Variants in PSD3 observed in about 807,000 individuals in gnomAD.
The protein encoded by PSD3 is PH and SEC7 domain-containing protein 3.
Under a neutral mutation model 105.5 loss-of-function variants are expected in PSD3, and 49 were observed. That is an observed-to-expected ratio of 0.46 (90% CI 0.37 to 0.59). The LOEUF (loss-of-function observed/expected upper bound fraction) is 0.59, where lower values mean the gene tolerates loss of function less well. PSD3 is among the 20% of genes least tolerant of loss of function. The pLI, the probability that PSD3 is intolerant of heterozygous loss-of-function variation, is 0.00. For synonymous variants in PSD3, 557 were observed against 457.8 expected, an observed-to-expected ratio of 1.22 and a Z score of -2.77; for missense variants, 1,561 against 1,263.8, an observed-to-expected ratio of 1.24 and a Z score of -3.57.
intron 10 of PSD3, among the ~76,000 whole-genome samples, chr8:18,641,380 G>A (rs1382593127): frequency 6.6e-6 from 1 of 152,124 alleles, no homozygotes; most frequent in Non-Finnish European, 1.5e-5. Flanking sequence ...ATATCATGAT[G>A]ATTAAGACCC....
chr8:19,045,396 A>G (rs973142258), intron 1 of PSD3, among the ~76,000 whole-genome samples: 4 of 152,210 alleles, frequency 2.6e-5, no homozygotes, highest in Non-Finnish European at 5.9e-5. Flanking sequence ...TATATCTCTC[A>G]TTTTGAATTT....
chr8:18,773,107 A>C (rs1161099801), intron 8 of PSD3, among the ~76,000 whole-genome samples: 7 of 152,102 alleles, frequency 4.6e-5, no homozygotes, highest in Non-Finnish European at 1.5e-5. Context: ...CAATAACGTG[A>C]TGTTTTTCCC....
intron 10 of PSD3, among the ~76,000 whole-genome samples, chr8:18,651,675 G>C (rs1284630562): frequency 6.6e-6 from 1 of 152,098 alleles, no homozygotes; most frequent in South Asian, 2.1e-4. Context: ...GGTGTCATCA[G>C]ATAAAGTAAA....
At chr8:18,772,535 T>C (rs1169389862) in intron 8 of PSD3, among the ~76,000 whole-genome samples, 1 of 152,082 alleles carries the variant, frequency 6.6e-6, no homozygotes, top group Admixed American at 6.6e-5. Flanking sequence ...TGAAATGGAG[T>C]TTTGCTCTCG....
chr8:18,737,256 A>C (rs550584763), intron 9 of PSD3, among the ~76,000 whole-genome samples: 1 of 152,316 alleles, frequency 6.6e-6, no homozygotes, highest in East Asian at 1.9e-4. Flanking sequence ...AATGAGAAAA[A>C]TAGGGCCCAC....
At chr8:18,684,132 C>T (rs1190891932) in intron 9 of PSD3, 17 of 491,332 alleles carry the variant, frequency 3.5e-5, no homozygotes, top group Non-Finnish European at 5.9e-5. Context: ...CTGATTGTTC[C>T]AGGCACAGCT....
intron 4 of PSD3, among the ~76,000 whole-genome samples, chr8:18,821,481 C>T (rs1390176502): frequency 2.0e-5 from 3 of 152,036 alleles, no homozygotes; most frequent in East Asian, 1.9e-4. Context: ...ATGAAATTTG[C>T]GTGAATTAGT....
chr8:18,851,698 CGAGCTGCACAGG>C (rs1815582128), intron 4 of PSD3, among the ~76,000 whole-genome samples: 1 of 152,160 alleles, frequency 6.6e-6, no homozygotes, highest in Non-Finnish European at 1.5e-5. Context: ...AGGGAGGGAC[CGAGCTGCACAGG>C]GAGCTGGCAA....
At chr8:18,940,709 A>G (rs1009096387) in intron 1 of PSD3, among the ~76,000 whole-genome samples, 5 of 152,190 alleles carry the variant, frequency 3.3e-5, no homozygotes, top group Admixed American at 2.0e-4. Context: ...AATGGCACAT[A>G]CTTACAGTAA....
At position 18,599,299 on chromosome 8, in the gene PSD3, C is replaced by T. The variant is rs937220409; in HGVS notation, c.2481+1065G>A. Among the ~76,000 whole-genome samples, 11 of 152,230 alleles carry T rather than the reference C, an allele frequency of 7.2e-5. No individual in the cohort carries two copies. The East Asian group carries it at 1.7e-3, about 24-fold the overall frequency. On this transcript the variant is annotated intron_variant, in intron 12 of 15. Transcript: ENST00000327040. ...GCTGGAACCCTTATGTACTGTTGTT[C>T]AGGTATAAAATGGTACATTGCTTTG...
chr8:18,592,271 G>C (rs548839642), intron 12 of PSD3, among the ~76,000 whole-genome samples: 2 of 152,030 alleles, frequency 1.3e-5, no homozygotes, highest in Non-Finnish European at 2.9e-5. Context: ...CTCAAGAGCA[G>C]AAAACAAAGA....
At chr8:18,684,233 CACACA>C (rs1800537707) in intron 9 of PSD3, 2 of 221,856 alleles carry the variant, frequency 9.0e-6, no homozygotes, top group Non-Finnish European at 1.8e-5. Context: ...CACACACACA[CACACA>C]CACACACACA....
At chr8:19,081,308 C>T (rs2129478354) in intron 1 of PSD3, among the ~76,000 whole-genome samples, 1 of 152,304 alleles carries the variant, frequency 6.6e-6, no homozygotes, top group African/African-American at 2.4e-5. Flanking sequence ...GTGTCTTTCT[C>T]CCACCCTCTC....
chr8:18,615,083 A>C (rs1805558597), intron 11 of PSD3, among the ~76,000 whole-genome samples: 1 of 152,136 alleles, frequency 6.6e-6, no homozygotes, highest in South Asian at 2.1e-4. Context: ...AGAATATGTC[A>C]ATATGTTCAA....
chr8:18,819,250 C>CCA (rs1399912038), intron 4 of PSD3, among the ~76,000 whole-genome samples: 2 of 152,086 alleles, frequency 1.3e-5, no homozygotes, highest in Non-Finnish European at 2.9e-5. Flanking sequence ...AATACTTTGA[C>CCA]AAGTATTTTT....
At chr8:18,860,911 C>T (rs376447315) in intron 4 of PSD3, among the ~76,000 whole-genome samples, 4 of 152,162 alleles carry the variant, frequency 2.6e-5, no homozygotes, top group Non-Finnish European at 5.9e-5. Context: ...TCATTTGATG[C>T]CATTCTTTGA....
At chr8:18,545,896 T>G (rs1343732705) in intron 15 of PSD3, among the ~76,000 whole-genome samples, 1 of 152,202 alleles carries the variant, frequency 6.6e-6, no homozygotes, top group African/African-American at 2.4e-5. Context: ...AAGTGTGATT[T>G]GAGGAGCAGC....
At chr8:19,041,787 TGAC>T (rs1446567990) in intron 1 of PSD3, among the ~76,000 whole-genome samples, 1 of 152,240 alleles carries the variant, frequency 6.6e-6, no homozygotes, top group Non-Finnish European at 1.5e-5. Flanking sequence ...AAAAGTTTTC[TGAC>T]GCATTATTTA....
At chr8:18,563,302 T>C (rs1263781566) in intron 14 of PSD3, among the ~76,000 whole-genome samples, 1 of 152,164 alleles carries the variant, frequency 6.6e-6, no homozygotes, top group Non-Finnish European at 1.5e-5. Flanking sequence ...ACATAGTACC[T>C]GCTATACAGG....
Sources: gnomAD v4.1 joint callset for allele counts (sites outside exome capture counted in the v4.1 genomes callset) on GRCh38, gnomAD v4.1.1 for gene constraint, MANE v1.5 for transcripts, NCBI Gene and HGNC (gene_info 2026-07-23, HGNC 2026-07-21) for gene names.